CCDC134: variants seen among roughly 807,000 people sequenced by gnomAD.
The protein encoded by CCDC134 is coiled-coil domain containing 134.
A neutral mutation model predicts 25.6 loss-of-function variants in CCDC134; 27 were observed. The ratio of observed to expected loss-of-function variants is 1.05; its 90% confidence interval spans 0.78 to 1.45. The LOEUF (loss-of-function observed/expected upper bound fraction) is 1.45. CCDC134 is among the 40% of genes most tolerant of loss of function. The pLI, the probability that CCDC134 is intolerant of heterozygous loss-of-function variation, is 0.00. For missense variants in CCDC134, 261 were observed against 286.7 expected, an observed-to-expected ratio of 0.91 and a Z score of 0.65; for synonymous variants, 110 against 115.0, an observed-to-expected ratio of 0.96 and a Z score of 0.28.
At chr22:41,810,077 A>G in intron 3 of CCDC134, 77 bp downstream of exon 3, 2 of 1,602,842 alleles carry the variant, frequency 1.2e-6, no homozygotes, top group Non-Finnish European at 1.7e-6. Flanking sequence ...GGAGTTCCCT[A>G]ACGGGTTGGT....
chr22:41,817,625 G>A (rs1021582032), intron 6 of CCDC134, among the ~76,000 whole-genome samples: 5 of 151,856 alleles, frequency 3.3e-5, no homozygotes, highest in African/African-American at 4.8e-5. Flanking sequence ...CCAGCTACTC[G>A]GGAGGCTGAG....
chr22:41,813,989 T>C (rs995165480), intron 6 of CCDC134, among the ~76,000 whole-genome samples, 167 bp downstream of exon 6: 7 of 152,186 alleles, frequency 4.6e-5, no homozygotes, highest in Admixed American at 2.0e-4. Context: ...GGGCAAGTCA[T>C]TGCTCCCCTC....
rs569348313 is a variant in CCDC134, at chr22:41,802,771, G to A, written c.-17+2005G>A. On this transcript the variant is annotated intron_variant, in intron 1 of 6. Coordinates refer to ENST00000255784, the MANE Select transcript of CCDC134 (RefSeq NM_024821.5). The stretch of plus-strand genomic sequence containing the variant: ...CAACTAAAAATACAAAAAATTAGCC[G>A]GGCGTGGTGGCAGGTGCCTGTAGTC... 1.8e-4 allele frequency among the ~76,000 whole-genome samples: 28 copies of A among 151,978 alleles called. No homozygotes were observed. The East Asian group carries it at 3.3e-3, about 18-fold the overall frequency.
At chr22:41,820,580 A>G (rs1029867389) in intron 6 of CCDC134, among the ~76,000 whole-genome samples, 2 of 152,228 alleles carry the variant, frequency 1.3e-5, no homozygotes, top group African/African-American at 4.8e-5. Context: ...AGACGATGAC[A>G]GTGGAGCTGC....
At position 41,828,549 on chromosome 22, in the gene CCDC134, A is replaced by G. The variant is rs900912091; in HGVS notation, c.*2726A>G. On this transcript the variant is annotated 3_prime_UTR_variant, in exon 7 of 7. Coordinates refer to ENST00000255784, the MANE Select transcript of CCDC134 (RefSeq NM_024821.5). ...TCTGCCCTCAAATGGGCACCTTCAA[A>G]GAAACAAATAGAACTACTCCACTCG... 2.6e-5 allele frequency among the ~76,000 whole-genome samples: 4 copies of G among 152,130 alleles called. No individual in the cohort carries two copies. The highest frequency in any genetic ancestry group is 5.9e-5 in the Non-Finnish European group (4 of 68,020).
intron 6 of CCDC134, among the ~76,000 whole-genome samples, chr22:41,821,624 C>G (rs111921658): frequency 6.6e-6 from 1 of 152,076 alleles, no homozygotes; most frequent in African/African-American, 2.4e-5. Flanking sequence ...CAATGTTAGT[C>G]CCTTGGGAGA....
chr22:41,815,204 C>CTTTTTTTTTTTT (rs869174312), intron 6 of CCDC134, among the ~76,000 whole-genome samples: 3 of 122,140 alleles, frequency 2.5e-5, no homozygotes, highest in African/African-American at 6.8e-5. Context: ...CTTTTCTTTT[C>CTTTTTTTTTTTT]TTTTTTTTTT....
At chr22:41,809,015 A>G (rs778915562) in intron 2 of CCDC134, 22 bp downstream of exon 2, 1 of 1,581,744 alleles carries the variant, frequency 6.3e-7, no homozygotes, top group Non-Finnish European at 8.7e-7. Flanking sequence ...GGTTGTAGTT[A>G]ATGAGCTGTC....
intron 6 of CCDC134, among the ~76,000 whole-genome samples, chr22:41,819,192 G>T (rs2076637228): frequency 6.6e-6 from 1 of 152,176 alleles, no homozygotes; most frequent in South Asian, 2.1e-4. Context: ...GAGTTCTCCT[G>T]CTTCTTATGT....
In CCDC134 at chr22:41,826,000, G is replaced by T; in HGVS notation, c.*177G>T. The T allele has an allele frequency of 1.2e-6, 1 of 817,862 alleles. No individual in the cohort carries two copies. Among genetic ancestry groups the T allele is most frequent in the Non-Finnish European group, 1.9e-6 (1 of 520,082 alleles). The allele number at this position is 817,862 out of a possible 1,614,324, so 50.7% of individuals were successfully genotyped here. A position where few individuals can be genotyped will look rare whatever the true frequency, so the allele number is the denominator to read the frequency against. On this transcript the variant is annotated 3_prime_UTR_variant, in exon 7 of 7. Coordinates refer to ENST00000255784, the MANE Select transcript of CCDC134 (RefSeq NM_024821.5). This position sits in a 1 kb window ranked among gnomAD's most constrained non-coding sequence, Gnocchi z 4.4. ...AGCTGAAGGGACTGAGCCTCAGATG[G>T]CTGGATTTTCTCTCAGGGGCCTCCT... is the stretch of plus-strand genomic sequence containing the variant.
At chr22:41,822,072 G>C (rs1343508720) in intron 6 of CCDC134, among the ~76,000 whole-genome samples, 2 of 152,132 alleles carry the variant, frequency 1.3e-5, no homozygotes, top group Non-Finnish European at 2.9e-5. Context: ...AGTTAGAGAA[G>C]GTAGAAGGCG....
chr22:41,824,886 TG>T (rs2076668966), intron 6 of CCDC134, among the ~76,000 whole-genome samples: 1 of 151,754 alleles, frequency 6.6e-6, no homozygotes, highest in South Asian at 2.1e-4. Flanking sequence ...GGGGTGGTGA[TG>T]GGGGCAGCAA....
intron 1 of CCDC134, among the ~76,000 whole-genome samples, chr22:41,806,411 G>A (rs1453500597): frequency 2.0e-5 from 3 of 151,446 alleles, no homozygotes; most frequent in Admixed American, 6.6e-5. Flanking sequence ...TAGTAGAGAC[G>A]GGGTTTCACT....
At position 41,813,436 on chromosome 22, in the gene CCDC134, C is replaced by T. The variant is rs2076607263; in HGVS notation, c.483C>T (p.Ile161=). Reference sequence around the variant, plus strand: ...TCAACCAGGGGCCCCACTCGCCCATCCTCAGCCTGGTAAGGACTGGGGTGG... The same window carrying T: ...TCAACCAGGGGCCCCACTCGCCCATTCTCAGCCTGGTAAGGACTGGGGTGG... ...GVFNQGPHSP[I]LSLMAQELGI... The change falls in exon 5 of 7, where the codon ATC becomes ATT. Residue 161 remains isoleucine (I), a synonymous_variant. Coordinates refer to ENST00000255784, the MANE Select transcript of CCDC134 (RefSeq NM_024821.5). 2.5e-6 allele frequency: 4 copies of T among 1,614,118 alleles called. No individual in the cohort carries two copies. Among genetic ancestry groups the T allele is most frequent in the Non-Finnish European group, 3.4e-6 (4 of 1,180,054 alleles).
At chr22:41,819,006 A>G (rs952461367) in intron 6 of CCDC134, among the ~76,000 whole-genome samples, 1 of 152,216 alleles carries the variant, frequency 6.6e-6, no homozygotes, top group Non-Finnish European at 1.5e-5. Flanking sequence ...CAGCTTTATC[A>G]TAACGTATTC....
intron 2 of CCDC134, 49 bp downstream of exon 2, chr22:41,809,042 A>G: frequency 6.8e-7 from 1 of 1,467,160 alleles, no homozygotes; most frequent in South Asian, 1.2e-5. Flanking sequence ...AGGTCTATAA[A>G]TGAGGTTCTT....
chr22:41,812,596 G>A (rs1569355479), intron 4 of CCDC134, among the ~76,000 whole-genome samples: 1 of 152,114 alleles, frequency 6.6e-6, no homozygotes, highest in Non-Finnish European at 1.5e-5. Flanking sequence ...CCAGGAGTTT[G>A]AGATCAGCCT....
At chr22:41,822,237 C>T (rs1474835730) in intron 6 of CCDC134, among the ~76,000 whole-genome samples, 1 of 152,060 alleles carries the variant, frequency 6.6e-6, no homozygotes, top group Non-Finnish European at 1.5e-5. Context: ...GGGCTCTATC[C>T]TGGAGCCAGA....
At chr22:41,810,422 C>G in intron 4 of CCDC134, 131 bp downstream of exon 4, 2 of 733,470 alleles carry the variant, frequency 2.7e-6, no homozygotes, top group South Asian at 3.8e-5. Flanking sequence ...AAGTGGTCCC[C>G]TTGGGCAGAT....
Sources: gnomAD v4.1 joint callset for allele counts (sites outside exome capture counted in the v4.1 genomes callset) on GRCh38, gnomAD v4.1.1 for gene constraint, Gnocchi (gnomAD v3.1) non-coding constraint, MANE v1.5 for transcripts, NCBI Gene and HGNC (gene_info 2026-07-23, HGNC 2026-07-21) for gene names.